Variants in ZDHHC2 observed in about 807,000 individuals in gnomAD.
ZDHHC2 encodes the protein zDHHC palmitoyltransferase 2, also known as palmitoyltransferase ZDHHC2.
A neutral mutation model predicts 55.6 loss-of-function variants in ZDHHC2; 51 were observed. That is an observed-to-expected ratio of 0.92 (90% CI 0.73 to 1.16). ZDHHC2 has a LOEUF of 1.16. ZDHHC2 is among the 50% of genes most tolerant of loss of function. The pLI is 0.00. For synonymous variants in ZDHHC2, 199 were observed against 152.9 expected (o/e 1.30, Z -2.22); for missense variants, 491 against 442.4 (o/e 1.11, Z -0.99).
chr8:17,210,251 T>G, intron 9 of ZDHHC2, 137 bp from the exon 10 acceptor site: 1 of 1,049,362 alleles, frequency 9.5e-7, no homozygotes, highest in Non-Finnish European at 1.4e-6. Context: ...CTGAACACTA[T>G]GTTGAGCTCA....
intron 1 of ZDHHC2, among the ~76,000 whole-genome samples, chr8:17,176,826 AAG>A (rs1554459476): frequency 2.6e-5 from 4 of 152,278 alleles, no homozygotes; most frequent in Admixed American, 6.5e-5. Context: ...AAGAAAAAAA[AAG>A]AAACAGTTTG....
intron 1 of ZDHHC2, among the ~76,000 whole-genome samples, chr8:17,166,843 C>T (rs922554449): frequency 2.6e-5 from 4 of 151,986 alleles, no homozygotes; most frequent in African/African-American, 9.7e-5. Context: ...CACATTGAAC[C>T]CTTGTTTTGA....
intron 5 of ZDHHC2, among the ~76,000 whole-genome samples, chr8:17,197,907 A>T (rs1270887616): frequency 1.3e-5 from 2 of 152,186 alleles, no homozygotes; most frequent in Non-Finnish European, 2.9e-5. Flanking sequence ...GGCTGGTTCA[A>T]TTTAGGAAAT....
chr8:17,197,506 G>C, intron 4 of ZDHHC2, 76 bp from the exon 5 acceptor site: 1 of 1,220,102 alleles, frequency 8.2e-7, no homozygotes, highest in Non-Finnish European at 1.2e-6. Context: ...TAAATTTGGA[G>C]AGATGATAAA....
Position 17,205,753 on chromosome 8 carries a change from A to G in ZDHHC2, c.575A>G (p.Gln192Arg). Residue 192 changes from glutamine (Q) to arginine (R), a missense_variant, in exon 7 of 13, where the codon CAG becomes CGG. Transcript: ENST00000262096. ...CTTTTTATTGCGGCAACAGATTTAC[A>G]GTATTTTATCAAATTTTGGACAGTA... ...YCLFIAATDLQYFIKFWTNGL... is the reference protein window; with the variant it reads ...YCLFIAATDLRYFIKFWTNGL... 1 of 1,607,864 alleles carries G rather than the reference A, an allele frequency of 6.2e-7. No homozygotes were observed. The highest frequency in any genetic ancestry group is 8.5e-7 in the Non-Finnish European group (1 of 1,178,184).
chr8:17,156,533 G>T lies in ZDHHC2; in HGVS notation c.-191G>T. Reference sequence around the variant, plus strand: ...CCGCCTCCGCCTCCGCCGGGCTGAGGAGCCGGGAGTCCGCCGCGCCGGCTC... The same window carrying T: ...CCGCCTCCGCCTCCGCCGGGCTGAGTAGCCGGGAGTCCGCCGCGCCGGCTC... On this transcript the variant is annotated 5_prime_UTR_variant, in exon 1 of 13. Coordinates refer to ENST00000262096, the MANE Select transcript of ZDHHC2 (RefSeq NM_016353.5). 4.3e-6 allele frequency: 1 copy of T among 231,332 alleles called. No individual in the cohort carries two copies. The highest frequency in any genetic ancestry group is 7.1e-6 in the Non-Finnish European group (1 of 139,862). The allele number at this position is 231,332 out of a possible 1,614,324, so 14.3% of individuals were successfully genotyped here.
intron 1 of ZDHHC2, among the ~76,000 whole-genome samples, chr8:17,157,164 G>T (rs984045752): frequency 1.3e-5 from 2 of 152,134 alleles, no homozygotes; most frequent in Non-Finnish European, 2.9e-5. Context: ...GAAGGTCCCC[G>T]GGACCGCTGT....
chr8:17,195,541 G>T lies in ZDHHC2; in HGVS notation c.290G>T (p.Arg97Ile), dbSNP rs753708514. Residue 97 changes from arginine (R) to isoleucine (I), a missense_variant, in exon 4 of 13, where the codon AGA becomes ATA. By Grantham distance (97) the Arg-to-Ile change is moderately conservative (BLOSUM62 -3). Coordinates refer to ENST00000262096, the MANE Select transcript of ZDHHC2 (RefSeq NM_016353.5). ...TATGCAGAGAAAGATTTGTTGGAGA[G>T]AGAGCCAAGAGGAGAAGCCCATCAG... ...LSYAEKDLLE[R>I]EPRGEAHQEV... is the part of the protein sequence containing the mutation. 2.5e-6 allele frequency: 4 copies of T among 1,613,858 alleles called. No homozygotes were observed. Among genetic ancestry groups the T allele is most frequent in the Non-Finnish European group, 2.5e-6 (3 of 1,179,802 alleles).
In ZDHHC2 at chr8:17,197,683, C is replaced by T. The variant is rs1162350835; in HGVS notation, c.443+32C>T. 4.4e-6 allele frequency: 7 copies of T among 1,577,922 alleles called. 1 individual carries two copies. The South Asian group carries it at 4.5e-5, about 10-fold the overall frequency. ...GAACCTTTAACTTCTAAAATATCTA[C>T]ATGCTGGTGGTCTTTTTCTTCATTA... On this transcript the variant is annotated intron_variant, in intron 5 of 12. Transcript: ENST00000262096.
At chr8:17,212,831 T>A (rs1403434565) in intron 10 of ZDHHC2, among the ~76,000 whole-genome samples, 1 of 151,474 alleles carries the variant, frequency 6.6e-6, no homozygotes, top group Admixed American at 6.6e-5. Flanking sequence ...GGAGACAGGG[T>A]CTTCCTGTCT....
chr8:17,186,285 T>A (rs1214365080), intron 2 of ZDHHC2, 46 bp from the exon 3 acceptor site: 2 of 1,243,160 alleles, frequency 1.6e-6, no homozygotes, highest in Admixed American at 2.2e-5. Flanking sequence ...ATAATTTTAG[T>A]ATGTATTTGC....
Position 17,156,903 on chromosome 8 carries a change from G to T in ZDHHC2, c.130+50G>T, listed in dbSNP as rs370204736. ...CCCCCAGCGCAGCGCAGCCCACCCC[G>T]ACTGTCCCGGGACGCTCAGCCGCTC... On this transcript the variant is annotated intron_variant, in intron 1 of 12. Transcript: ENST00000262096. 2,307 of 1,458,186 alleles carry T rather than the reference G, an allele frequency of 1.6e-3. 35 individuals are homozygous for T. The African/African-American group carries it at 0.031, about 19-fold the overall frequency. The allele number at this position is 1,458,186 out of a possible 1,614,324, so 90.3% of individuals were successfully genotyped here.
intron 6 of ZDHHC2, among the ~76,000 whole-genome samples, chr8:17,199,631 T>C (rs1330903516): frequency 1.8e-4 from 9 of 51,154 alleles, no homozygotes; most frequent in African/African-American, 3.4e-4. Context: ...CTTCCTTTCT[T>C]CTTCTTCTCC....
chr8:17,187,738 A>T (rs921061424), intron 3 of ZDHHC2, among the ~76,000 whole-genome samples: 2 of 152,054 alleles, frequency 1.3e-5, no homozygotes, highest in African/African-American at 4.8e-5. Flanking sequence ...AGGTAGTCTC[A>T]TCCACTCTGG....
At position 17,172,481 on chromosome 8, in the gene ZDHHC2, G is replaced by A. The variant is rs138453660; in HGVS notation, c.131-12308G>A. Among the ~76,000 whole-genome samples the A allele has an allele frequency of 2.4e-4, 37 of 152,278 alleles. No individual in the cohort carries two copies. In the East Asian group the frequency reaches 6.2e-3, roughly 25 times the overall value. ...TTAGTGGGTACAAAGTTTCAGGTAC[G>A]TTAGATGAATGAGTTCTAGAGATCG... On this transcript the variant is annotated intron_variant, in intron 1 of 12. Transcript: ENST00000262096.
At chr8:17,207,775 G>C (rs183250923) in intron 7 of ZDHHC2, among the ~76,000 whole-genome samples, 185 bp from the exon 8 acceptor site, 2 of 150,576 alleles carry the variant, frequency 1.3e-5, no homozygotes, top group African/African-American at 4.9e-5. Flanking sequence ...TCATATTCTC[G>C]TAAACTTTTA....
At chr8:17,198,537 G>C (rs1051660394) in intron 6 of ZDHHC2, 124 bp downstream of exon 6, 4 of 861,244 alleles carry the variant, frequency 4.6e-6, no homozygotes, top group Non-Finnish European at 6.6e-6. Flanking sequence ...AGGAACTTTT[G>C]GATTTAGTTT....
chr8:17,193,617 C>T (rs993091025), intron 3 of ZDHHC2, among the ~76,000 whole-genome samples: 10 of 152,218 alleles, frequency 6.6e-5, no homozygotes, highest in African/African-American at 2.2e-4. Flanking sequence ...TGGGTCCTTC[C>T]CTTCAGGGTA....
intron 1 of ZDHHC2, among the ~76,000 whole-genome samples, chr8:17,180,084 T>G (rs1463372250): frequency 2.0e-5 from 3 of 152,252 alleles, no homozygotes; most frequent in Non-Finnish European, 4.4e-5. Flanking sequence ...TATTTTAGTG[T>G]AATAATAGCA....
Sources: allele counts gnomAD v4.1 joint callset (sites outside exome capture counted in the v4.1 genomes callset), GRCh38; gene constraint gnomAD v4.1.1; transcripts MANE v1.5; gene names NCBI Gene and HGNC (gene_info 2026-07-23, HGNC 2026-07-21).